The following SYT1 variants were observed in gnomAD, a reference collection of about 807,000 sequenced individuals.
The protein encoded by SYT1 is synaptotagmin-1.
In SYT1, 8 loss-of-function variants were observed where a neutral mutation model predicts 44.8. That is an observed-to-expected ratio of 0.18 (90% CI 0.10 to 0.32). SYT1 has a LOEUF of 0.32. Ranked by LOEUF, SYT1 falls within the 10% of genes least tolerant of loss-of-function variation. The pLI is 1.00. For missense variants in SYT1, 286 were observed against 509.3 expected, an observed-to-expected ratio of 0.56 and a Z score of 4.22; for synonymous variants, 154 against 188.8, an observed-to-expected ratio of 0.82 and a Z score of 1.51.
At chr12:78,894,330 GTTTTTTTTTTTTTTTTTTTTT>G (rs566175647) in intron 1 of SYT1, among the ~76,000 whole-genome samples, 4 of 27,710 alleles carry the variant, frequency 1.4e-4, no homozygotes, top group Admixed American at 1.4e-3. Flanking sequence ...TTTTTAATCT[GTTTTTTTTTTTTTTTTTTTTT>G]TTTTTTTTTT....
At chr12:79,433,930 T>C (rs1260181858) in intron 9 of SYT1, among the ~76,000 whole-genome samples, 1 of 152,212 alleles carries the variant, frequency 6.6e-6, no homozygotes, top group Non-Finnish European at 1.5e-5. Context: ...GAGAATTCTT[T>C]CTTTGCCATA....
intron 3 of SYT1, among the ~76,000 whole-genome samples, chr12:79,110,914 C>T (rs1878976413): frequency 2.0e-5 from 3 of 152,112 alleles, no homozygotes; most frequent in Admixed American, 1.3e-4. Flanking sequence ...TATAGTCAAA[C>T]TATTAAGTGA....
At chr12:79,306,782 T>C (rs1880418280) in intron 8 of SYT1, among the ~76,000 whole-genome samples, 1 of 152,192 alleles carries the variant, frequency 6.6e-6, no homozygotes, top group Non-Finnish European at 1.5e-5. Flanking sequence ...TTCATGTGTA[T>C]AAGCTGGCAG....
intron 3 of SYT1, among the ~76,000 whole-genome samples, chr12:79,205,869 CAGTT>C (rs888948635): frequency 6.6e-6 from 1 of 152,120 alleles, no homozygotes; most frequent in African/African-American, 2.4e-5. Context: ...ACGAGAAACA[CAGTT>C]TGTTTAAATT....
At chr12:78,908,473 G>A (rs761563658) in intron 1 of SYT1, among the ~76,000 whole-genome samples, 1 of 151,700 alleles carries the variant, frequency 6.6e-6, no homozygotes, top group Non-Finnish European at 1.5e-5. Flanking sequence ...TCAGGCTACA[G>A]TCTCTGTCAG....
intron 9 of SYT1, among the ~76,000 whole-genome samples, chr12:79,415,125 A>G (rs1289216510): frequency 2.0e-5 from 3 of 152,144 alleles, no homozygotes; most frequent in Admixed American, 6.6e-5. Context: ...TGTTTAAATT[A>G]TAAAAGTAAT....
intron 4 of SYT1, among the ~76,000 whole-genome samples, chr12:79,237,281 A>G (rs1173118403): frequency 5.9e-5 from 9 of 152,228 alleles, no homozygotes; most frequent in African/African-American, 2.2e-4. Context: ...AATACGAGAA[A>G]GAGTTGGGCA....
At chr12:79,439,411 T>C (rs1340654886) in intron 9 of SYT1, among the ~76,000 whole-genome samples, 2 of 152,138 alleles carry the variant, frequency 1.3e-5, no homozygotes, top group Admixed American at 6.5e-5. Flanking sequence ...CATGATGACA[T>C]TCTTCAAAAT....
At chr12:79,023,795 T>TTC (rs1346860431) in intron 2 of SYT1, among the ~76,000 whole-genome samples, 1 of 151,384 alleles carries the variant, frequency 6.6e-6, no homozygotes, top group Non-Finnish European at 1.5e-5. Context: ...CTCTCTCTCT[T>TTC]TCTCTCTCTC....
At chr12:79,105,246 T>A (rs1878649937) in intron 3 of SYT1, among the ~76,000 whole-genome samples, 1 of 152,178 alleles carries the variant, frequency 6.6e-6, no homozygotes, top group African/African-American at 2.4e-5. Context: ...GCAAAAATAA[T>A]GATGATGCCC....
intron 2 of SYT1, among the ~76,000 whole-genome samples, chr12:78,992,395 A>T (rs1870079160): frequency 6.6e-6 from 1 of 152,236 alleles, no homozygotes; most frequent in African/African-American, 2.4e-5. Flanking sequence ...AACTTTAAAT[A>T]GTGCTTCATA....
chr12:79,278,872 A>C (rs547043390), intron 4 of SYT1, among the ~76,000 whole-genome samples: 5 of 152,190 alleles, frequency 3.3e-5, no homozygotes, highest in Admixed American at 3.3e-4. Context: ...GATTACTCTG[A>C]ACACCTCTAA....
At position 78,905,681 on chromosome 12, in the gene SYT1, C is replaced by T. The variant is rs868424272; in HGVS notation, c.-217+40572C>T. ...GTTTATTTTCATTTTATTTCAGTTT[C>T]AATAAAATAAACCTAAATACCTGAA... On this transcript the variant is annotated intron_variant, in intron 1 of 10. Transcript: ENST00000261205. Among the ~76,000 whole-genome samples, 6 of 151,998 alleles carry T rather than the reference C, an allele frequency of 3.9e-5. No homozygotes were observed. In the South Asian group the frequency reaches 8.3e-4, roughly 21 times the overall value.
At chr12:79,240,562 A>T (rs1468994591) in intron 4 of SYT1, among the ~76,000 whole-genome samples, 1 of 152,190 alleles carries the variant, frequency 6.6e-6, no homozygotes, top group East Asian at 1.9e-4. Context: ...GGTGATGGTG[A>T]TCAGTTCATA....
chr12:79,441,195 T>C (rs1211816505), intron 9 of SYT1, among the ~76,000 whole-genome samples: 1 of 152,194 alleles, frequency 6.6e-6, no homozygotes, highest in Admixed American at 6.5e-5. Flanking sequence ...CGTAAGTGCT[T>C]TGGTACCTGT....
At chr12:79,244,000 T>C (rs1876673231) in intron 4 of SYT1, among the ~76,000 whole-genome samples, 1 of 152,098 alleles carries the variant, frequency 6.6e-6, no homozygotes, top group Non-Finnish European at 1.5e-5. Flanking sequence ...TAATCCTGTA[T>C]ACTCTATCAT....
chr12:79,265,676 T>C (rs1415238498), intron 4 of SYT1, among the ~76,000 whole-genome samples: 1 of 152,148 alleles, frequency 6.6e-6, no homozygotes, highest in Non-Finnish European at 1.5e-5. Flanking sequence ...CCCAATGTTA[T>C]CATCTTTAAA....
intron 3 of SYT1, among the ~76,000 whole-genome samples, chr12:79,102,775 A>T (rs1878515298): frequency 6.6e-6 from 1 of 152,216 alleles, no homozygotes; most frequent in Non-Finnish European, 1.5e-5. Flanking sequence ...TGAGGTTTGC[A>T]GTAGTAAGGA....
At chr12:79,367,186 T>C (rs535528762) in intron 9 of SYT1, among the ~76,000 whole-genome samples, 46 of 152,154 alleles carry the variant, frequency 3.0e-4, no homozygotes, top group African/African-American at 9.6e-4. Flanking sequence ...TGATAACAGA[T>C]CCAAGACAGA....
Sources: allele counts gnomAD v4.1 joint callset (sites outside exome capture counted in the v4.1 genomes callset), GRCh38; gene constraint gnomAD v4.1.1; transcripts MANE v1.5; gene names NCBI Gene and HGNC (gene_info 2026-07-23, HGNC 2026-07-21).